The following KCNAB2 variants were observed in gnomAD, a reference collection of about 807,000 sequenced individuals.
KCNAB2 encodes the protein voltage-gated potassium channel subunit beta-2.
KCNAB2 carries 29 observed loss-of-function variants against 63.6 expected under a neutral mutation model. The observed-to-expected ratio is 0.46, with a 90% CI of 0.34 to 0.62. The LOEUF (loss-of-function observed/expected upper bound fraction) is 0.62. Ranked by LOEUF, KCNAB2 falls within the 20% of genes least tolerant of loss-of-function variation. The probability of loss-of-function intolerance (pLI) is 0.01; values close to 1 mark genes in which losing one functional copy is unlikely to be tolerated. For synonymous variants in KCNAB2, 222 were observed against 224.2 expected (o/e 0.99, Z 0.09); for missense variants, 359 against 563.9 (o/e 0.64, Z 3.68).
intron 2 of KCNAB2, among the ~76,000 whole-genome samples, chr1:6,040,871 A>C (rs2100458131): frequency 6.6e-6 from 1 of 152,384 alleles, no homozygotes; most frequent in South Asian, 2.1e-4. Flanking sequence ...AAACTTTTCC[A>C]GGGCGTTTGA....
chr1:6,084,599 C>T (rs543584277), intron 5 of KCNAB2, among the ~76,000 whole-genome samples: 73 of 152,186 alleles, frequency 4.8e-4, no homozygotes, highest in Non-Finnish European at 5.9e-4. Context: ...GCGGATCACT[C>T]GAGATGAGGA....
intron 1 of KCNAB2, among the ~76,000 whole-genome samples, chr1:5,993,849 C>T (rs1557911546): frequency 1.3e-5 from 2 of 152,158 alleles, no homozygotes; most frequent in Non-Finnish European, 2.9e-5. Context: ...GACCTGGCTA[C>T]GGAGCTGAAG....
chr1:6,007,482 G>T, intron 1 of KCNAB2: 1 of 152,342 alleles, frequency 6.6e-6, no homozygotes, highest in Non-Finnish European at 1.5e-5. Flanking sequence ...AGGCAGAGCG[G>T]CTCCATCCGT....
intron 9 of KCNAB2, 111 bp from the exon 10 acceptor site, chr1:6,091,152 G>A (rs949773396): frequency 2.0e-5 from 15 of 756,834 alleles, no homozygotes; most frequent in Admixed American, 1.8e-4. Context: ...TTAACTAAAC[G>A]CGTGTTCTGC....
At position 6,003,402 on chromosome 1, in the gene KCNAB2, C is replaced by T. The variant is rs1657373531; in HGVS notation, c.-53+10614C>T. Among the ~76,000 whole-genome samples, 1 of 152,216 alleles carries T rather than the reference C, an allele frequency of 6.6e-6. No homozygotes were observed. Among genetic ancestry groups the T allele is most frequent in the Non-Finnish European group, 1.5e-5 (1 of 68,044 alleles). The stretch of plus-strand genomic sequence containing the variant: ...GCAGGGGTTCCTCCCCACTCGCTCG[C>T]TCGGCTGCCTTCAGCCCCTGCAGAC... On this transcript the variant is annotated intron_variant, in intron 1 of 16. Coordinates refer to the KCNAB2 transcript ENST00000341524. This position sits in a 1 kb window ranked among gnomAD's most constrained non-coding sequence, Gnocchi z 4.1.
intron 10 of KCNAB2, among the ~76,000 whole-genome samples, chr1:6,093,316 C>T (rs534625080): frequency 2.6e-5 from 4 of 152,316 alleles, no homozygotes; most frequent in African/African-American, 9.6e-5. Context: ...GTATCCGACC[C>T]GTGAGAAGCC....
chr1:6,096,744 C>T lies in KCNAB2; in HGVS notation c.1057C>T (p.Gln353Ter). Residue 353 changes from glutamine to a stop codon, truncating the protein, a stop_gained, in exon 14 of 16, where the codon CAG becomes TAG. Coordinates refer to ENST00000378083, the MANE Select transcript of KCNAB2 (RefSeq NM_001199862.2). LOFTEE classifies it high-confidence loss of function. The surrounding 1 kb of genome is among the most constrained non-coding windows in gnomAD (Gnocchi z 5.9). ...CGAGCGCCTGGGCTGCACCCTGCCC[C>T]AGCTGGCCATAGGTAACGGTGGGGT... The part of the protein sequence containing the change: ...IAERLGCTLP[Q>*]LAIAWCLRNE... 6.3e-7 allele frequency: 1 copy of T among 1,585,528 alleles called. No homozygotes were observed. Among genetic ancestry groups the T allele is most frequent in the Non-Finnish European group, 8.6e-7 (1 of 1,166,650 alleles).
In KCNAB2 at chr1:6,096,499, G is replaced by A. The variant is rs1665651551; in HGVS notation, c.949-137G>A. The A allele has an allele frequency of 5.7e-6, 7 of 1,231,516 alleles. No individual in the cohort carries two copies. Among genetic ancestry groups the A allele is most frequent in the Non-Finnish European group, 6.7e-6 (6 of 900,390 alleles). The allele number at this position is 1,231,516 out of a possible 1,614,324, so 76.3% of individuals were successfully genotyped here. ...TTGAGAGGCCTGGGGCAGGGGCACT[G>A]CCCTGGCTTCAAGATGAGAAGAGCC... On this transcript the variant is annotated intron_variant, in intron 13 of 15. Transcript: ENST00000378083. This position sits in a 1 kb window ranked among gnomAD's most constrained non-coding sequence, Gnocchi z 5.9.
At position 6,005,338 on chromosome 1, in the gene KCNAB2, TAGAGTGGGGGGATGTGGGAGCTGAGCTGA is replaced by T. The variant is rs1557922138; in HGVS notation, c.-53+12551_-53+12579del. Among the ~76,000 whole-genome samples the T allele has an allele frequency of 9.9e-4, 24 of 24,274 alleles. 2 individuals carry two copies. The highest frequency in any genetic ancestry group is 3.9e-3 in the South Asian group (2 of 518). The allele number at this position is 24,274 out of a possible 152,430, so 15.9% of individuals were successfully genotyped here. A position where few individuals can be genotyped will look rare whatever the true frequency, so the allele number is the denominator to read the frequency against. On this transcript the variant is annotated intron_variant, in intron 1 of 16. Transcript: ENST00000341524. ...TGGAAGCTGAGCTGAGGGGTGAGGG[TAGAGTGGGGGGATGTGGGAGCTGAGCTGA>T]GGAGTGAGGGTGAACTGGGGGATGT...
upstream of KCNAB2, among the ~76,000 whole-genome samples, chr1:6,045,229 G>A (rs1487193730): frequency 1.3e-5 from 2 of 152,150 alleles, no homozygotes; most frequent in Non-Finnish European, 2.9e-5. The surrounding 1 kb of genome is among the most constrained non-coding windows in gnomAD (Gnocchi z 4.8). Context: ...ATGGGGGGAC[G>A]GTTCTGCCTC....
In KCNAB2 at chr1:6,100,104, A is replaced by C; in HGVS notation, c.*1530A>C. The C allele has an allele frequency of 6.9e-7, 1 of 1,445,914 alleles. No homozygotes were observed. The highest frequency in any genetic ancestry group is 9.1e-7 in the Non-Finnish European group (1 of 1,097,006). The allele number at this position is 1,445,914 out of a possible 1,614,324, so 89.6% of individuals were successfully genotyped here. A position where few individuals can be genotyped will look rare whatever the true frequency, so the allele number is the denominator to read the frequency against. ...TTCCCGCTTTGCCCCTGGAGGAGCC[A>C]CTATTCCAGAAGGCTCCACCCTGCC... On this transcript the variant is annotated 3_prime_UTR_variant, in exon 16 of 16. Coordinates refer to ENST00000378083, the MANE Select transcript of KCNAB2 (RefSeq NM_001199862.2).
At position 6,069,430 on chromosome 1, in the gene KCNAB2, C is replaced by T. The variant is rs1212231675; in HGVS notation, c.219-3325C>T. 6.6e-6 allele frequency among the ~76,000 whole-genome samples: 1 copy of T among 152,166 alleles called. No homozygotes were observed. The highest frequency in any genetic ancestry group is 1.5e-5 in the Non-Finnish European group (1 of 68,022). On this transcript the variant is annotated intron_variant, in intron 2 of 15. Transcript: ENST00000378083. This position sits in a 1 kb window ranked among gnomAD's most constrained non-coding sequence, Gnocchi z 5.4. ...GGGTGTGCAGCAGCCGGGGGCTCCACGATGGGCATCAGTGCTCCCCTCCGG... is the reference window on the plus strand; with the variant it reads ...GGGTGTGCAGCAGCCGGGGGCTCCATGATGGGCATCAGTGCTCCCCTCCGG...
intron 1 of KCNAB2, chr1:6,026,064 G>A (rs1659148765): frequency 6.5e-6 from 1 of 152,946 alleles, no homozygotes; most frequent in Non-Finnish European, 1.5e-5. Flanking sequence ...GACAGGGAAG[G>A]TCTGCCTCCT....
chr1:6,051,429 T>C lies in KCNAB2; in HGVS notation c.-26-82T>C, dbSNP rs1661371491. The C allele has an allele frequency of 2.9e-6, 4 of 1,400,406 alleles. No homozygotes were observed. In the South Asian group the frequency reaches 6.5e-5, roughly 23 times the overall value. 86.7% of individuals were successfully genotyped at this position (1,400,406 alleles called of 1,614,324 possible). The stretch of plus-strand genomic sequence containing the variant: ...TAGTTAAAGGATGTTTCGCTGCAGC[T>C]GCCCCCTGCCCCAGGGCCAGCCATC... On this transcript the variant is annotated intron_variant, in intron 1 of 15. Transcript: ENST00000378083.
At chr1:6,066,821 G>A (rs72862322) in intron 2 of KCNAB2, among the ~76,000 whole-genome samples, 4,267 of 152,334 alleles carry the variant, frequency 0.028, 185 homozygotes, top group African/African-American at 0.093. Context: ...TCTAGCAGGC[G>A]GGACTCTTGC....
At chr1:5,996,520 C>T (rs1389988333) in intron 1 of KCNAB2, among the ~76,000 whole-genome samples, 1 of 152,244 alleles carries the variant, frequency 6.6e-6, no homozygotes, top group Non-Finnish European at 1.5e-5. Flanking sequence ...CCCAGAGACC[C>T]AGGTTCTGCG....
At chr1:6,050,888 G>A (rs931944839) in intron 1 of KCNAB2, among the ~76,000 whole-genome samples, 11 of 152,226 alleles carry the variant, frequency 7.2e-5, no homozygotes, top group Middle Eastern at 3.2e-3. Context: ...GCAATGATGC[G>A]TTCAACAAGC....
upstream of KCNAB2, among the ~76,000 whole-genome samples, chr1:6,043,418 C>G (rs1001383137): frequency 6.6e-6 from 1 of 152,204 alleles, no homozygotes; most frequent in Non-Finnish European, 1.5e-5. Flanking sequence ...TTGTCCCCCC[C>G]GCCGGGATCC....
chr1:6,042,693 A>G (rs1660589810), upstream of KCNAB2, among the ~76,000 whole-genome samples: 2 of 152,202 alleles, frequency 1.3e-5, no homozygotes, highest in African/African-American at 4.8e-5. Flanking sequence ...GCATTGCTGC[A>G]TCTTGGCGGT....
Sources: gnomAD v4.1 joint callset for allele counts (sites outside exome capture counted in the v4.1 genomes callset) on GRCh38, gnomAD v4.1.1 for gene constraint, Gnocchi (gnomAD v3.1) non-coding constraint, MANE v1.5 for transcripts, NCBI Gene and HGNC (gene_info 2026-07-23, HGNC 2026-07-21) for gene names.